APOD: variants seen among roughly 807,000 people sequenced by gnomAD.
APOD encodes the protein apolipoprotein D.
In APOD, 22 loss-of-function variants were observed where a neutral mutation model predicts 20.4. The observed-to-expected ratio is 1.08, with a 90% CI of 0.77 to 1.54. The LOEUF (loss-of-function observed/expected upper bound fraction) is 1.54. APOD is among the 40% of genes most tolerant of loss of function. APOD has a pLI of 0.00. For synonymous variants in APOD, 97 were observed against 92.4 expected, an observed-to-expected ratio of 1.05 and a Z score of -0.29; for missense variants, 223 against 229.6, an observed-to-expected ratio of 0.97 and a Z score of 0.19.
chr3:195,569,049 A>G lies in APOD; in HGVS notation c.421T>C (p.Phe141Leu), dbSNP rs1026020899. 1.2e-6 allele frequency: 2 copies of G among 1,614,122 alleles called. No homozygotes were observed. Among genetic ancestry groups the G allele is most frequent in the Non-Finnish European group, 1.7e-6 (2 of 1,180,018 alleles). Reference protein sequence around the residue: ...VYSCTCIIQLFHVDFAWILAR... With the variant: ...VYSCTCIIQLLHVDFAWILAR... ...AAGATCCAAGCAAAATCCACGTGAA[A>G]AAGTTGGATGATGCAGGTACAGGAA... is the stretch of plus-strand genomic sequence containing the variant. Residue 141 changes from phenylalanine to leucine, a missense_variant, in exon 5 of 5, where the codon TTT becomes CTT. Coordinates refer to ENST00000343267, the MANE Select transcript of APOD (RefSeq NM_001647.4).
At chr3:195,572,290 A>G (rs1053740502) in intron 3 of APOD, among the ~76,000 whole-genome samples, 4 of 152,182 alleles carry the variant, frequency 2.6e-5, no homozygotes, top group African/African-American at 9.7e-5. Flanking sequence ...GGGGATTTCA[A>G]TGTAGGCCAA....
At position 195,579,482 on chromosome 3, in the gene APOD, GA is replaced by G. The variant is rs1720299558; in HGVS notation, c.-22del. ...ACCATCTTGGGGCTGGGTGGCTGGAGAAGGGACCTGGAGCTGCGGGAACGCA... is the reference window on the plus strand; with the variant it reads ...ACCATCTTGGGGCTGGGTGGCTGGAGAGGGACCTGGAGCTGCGGGAACGCA... On this transcript the variant is annotated 5_prime_UTR_variant, in exon 2 of 5. Coordinates refer to ENST00000343267, the MANE Select transcript of APOD (RefSeq NM_001647.4). 1.2e-6 allele frequency: 2 copies of G among 1,610,170 alleles called. No homozygotes were observed. Among genetic ancestry groups the G allele is most frequent in the Admixed American group, 1.7e-5 (1 of 60,016 alleles).
At chr3:195,578,205 A>T (rs181747436) in intron 2 of APOD, among the ~76,000 whole-genome samples, 1 of 152,198 alleles carries the variant, frequency 6.6e-6, no homozygotes, top group African/African-American at 2.4e-5. Context: ...GATTCCTTGG[A>T]TGTTTTCTTT....
At chr3:195,578,207 G>T (rs34235807) in intron 2 of APOD, among the ~76,000 whole-genome samples, 26,265 of 152,018 alleles carry the variant, frequency 0.17, 2,857 homozygotes, top group Non-Finnish European at 0.26. Flanking sequence ...TTCCTTGGAT[G>T]TTTTCTTTAA....
intron 1 of APOD, among the ~76,000 whole-genome samples, chr3:195,580,368 C>CTTTTT (rs201305902): frequency 0.02 from 2,781 of 140,558 alleles, 66 homozygotes; most frequent in African/African-American, 0.043. Flanking sequence ...TTTCTTTCTT[C>CTTTTT]TTTTTTTTTT....
At chr3:195,574,182 G>T (rs185032837) in intron 2 of APOD, among the ~76,000 whole-genome samples, 316 of 152,216 alleles carry the variant, frequency 2.1e-3, no homozygotes, top group Non-Finnish European at 3.9e-3. Context: ...CTGAGTAAAG[G>T]GCTCTTCTCA....
chr3:195,572,840 G>A (rs1976843), intron 3 of APOD, among the ~76,000 whole-genome samples: 16,687 of 151,704 alleles, frequency 0.11, 1,961 homozygotes, highest in African/African-American at 0.29. Flanking sequence ...GTGAAACCCC[G>A]TCTCTACTAA....
chr3:195,578,068 T>C (rs189482101), intron 2 of APOD, among the ~76,000 whole-genome samples: 1 of 152,346 alleles, frequency 6.6e-6, no homozygotes, highest in Non-Finnish European at 1.5e-5. Flanking sequence ...GCTATACAAA[T>C]TATATCTCAA....
chr3:195,577,515 A>C (rs1720267200), intron 2 of APOD, among the ~76,000 whole-genome samples: 3 of 152,248 alleles, frequency 2.0e-5, no homozygotes. Flanking sequence ...AGGGACACGG[A>C]ATAACCAGAA....
At position 195,577,476 on chromosome 3, in the gene APOD, G is replaced by A. The variant is rs535172101; in HGVS notation, c.123+1863C>T. The stretch of plus-strand genomic sequence containing the variant: ...TTGGATTATTTGCAGAAATTGACAC[G>A]CTGATCCTAAAATTCATATAAAAAT... On this transcript the variant is annotated intron_variant, in intron 2 of 4. Coordinates refer to ENST00000343267, the MANE Select transcript of APOD (RefSeq NM_001647.4). Among the ~76,000 whole-genome samples, 13 of 152,216 alleles carry A rather than the reference G, an allele frequency of 8.5e-5. No individual in the cohort carries two copies. In the East Asian group the frequency reaches 2.1e-3, roughly 25 times the overall value.
At chr3:195,574,075 C>T in intron 2 of APOD, 104 bp from the exon 3 acceptor site, 1 of 1,470,666 alleles carries the variant, frequency 6.8e-7, no homozygotes, top group Middle Eastern at 1.8e-4. Flanking sequence ...GGAAGCCAGA[C>T]AAAATGGGCC....
rs762350501 is a variant in APOD, at chr3:195,571,341, G to A, written c.270C>T (p.Ile90=). The A allele has an allele frequency of 3.3e-5, 53 of 1,610,950 alleles. No individual in the cohort carries two copies. The Admixed American group carries it at 3.8e-4, about 12-fold the overall frequency. The change falls in exon 4 of 5, where the codon ATC becomes ATT. Residue 90 remains isoleucine (I), a synonymous_variant. Coordinates refer to ENST00000343267, the MANE Select transcript of APOD (RefSeq NM_001647.4). ...GGTTAACTGGGGTGGCTTCACCTTC[G>A]ATTTGATTCACAGTTCCATCAGCTC... ...ELRADGTVNQ[I]EGEATPVNLT... is the part of the protein sequence containing the mutation.
chr3:195,569,786 G>A (rs1360198792), intron 4 of APOD, among the ~76,000 whole-genome samples: 4 of 54,054 alleles, frequency 7.4e-5, no homozygotes, highest in African/African-American at 2.5e-4. Flanking sequence ...CTTCTTCTTC[G>A]TTTTTTTTTT....
rs1553889310 is a variant in APOD, at chr3:195,568,837, G to GGGGGGGGT, written c.*62_*63insACCCCCCC. The GGGGGGGGT allele has an allele frequency of 2.0e-6, 2 of 982,910 alleles. No homozygotes were observed. Among genetic ancestry groups the GGGGGGGGT allele is most frequent in the African/African-American group, 3.8e-5 (2 of 52,514 alleles). 60.9% of individuals were successfully genotyped at this position (982,910 alleles called of 1,614,324 possible). ...GTTGATTGGTTTGTCTTTATGGGGG[G>GGGGGGGGT]GGGGTAGGGGAAAGCGAAGCAGAAG... On this transcript the variant is annotated 3_prime_UTR_variant, in exon 5 of 5. Transcript: ENST00000343267.
chr3:195,582,869 G>A, intron 1 of APOD: 1 of 152,048 alleles, frequency 6.6e-6, no homozygotes, highest in Non-Finnish European at 1.5e-5. Context: ...GGAGGCGGAG[G>A]CTGTAGTGAG....
At chr3:195,576,907 A>G (rs1177855146) in intron 2 of APOD, among the ~76,000 whole-genome samples, 5 of 152,100 alleles carry the variant, frequency 3.3e-5, no homozygotes, top group African/African-American at 1.2e-4. Context: ...AAGGCCGGGC[A>G]CGGTGGCTTG....
chr3:195,573,876 C>A lies in APOD; in HGVS notation c.219G>T (p.Lys73Asn). Residue 73 changes from lysine (K) to asparagine (N), a missense_variant, in exon 3 of 5, where the codon AAG becomes AAT. Lys to Asn is a moderately conservative substitution (Grantham distance 94). Coordinates refer to ENST00000343267, the MANE Select transcript of APOD (RefSeq NM_001647.4). ...TCAACTCCTGGTTTAACACTTTGAT[C>A]TTTCCGTTTTCCATTAGTGAGTAGT... ...QANYSLMENG[K>N]IKVLNQELRA... The A allele has an allele frequency of 6.2e-7, 1 of 1,614,190 alleles. No homozygotes were observed. The highest frequency in any genetic ancestry group is 1.7e-4 in the Middle Eastern group (1 of 6,060).
intron 4 of APOD, among the ~76,000 whole-genome samples, chr3:195,570,117 A>G (rs556603362): frequency 1.3e-5 from 2 of 152,080 alleles, no homozygotes; most frequent in East Asian, 1.9e-4. Context: ...CCATAATCCT[A>G]CAAGGCCTAA....
Position 195,568,730 on chromosome 3 carries a change from G to T in APOD, c.*170C>A. 1.6e-6 allele frequency: 1 copy of T among 615,024 alleles called. No individual in the cohort carries two copies. The highest frequency in any genetic ancestry group is 2.8e-5 in the East Asian group (1 of 36,078). 38.1% of individuals were successfully genotyped at this position (615,024 alleles called of 1,614,324 possible). On this transcript the variant is annotated 3_prime_UTR_variant, in exon 5 of 5. Coordinates refer to ENST00000343267, the MANE Select transcript of APOD (RefSeq NM_001647.4). ...TTGGAATCTACTGCGAGCACAGCAGGTCAGCAACAAGTTTATTTTGCAGCT... is the reference window on the plus strand; with the variant it reads ...TTGGAATCTACTGCGAGCACAGCAGTTCAGCAACAAGTTTATTTTGCAGCT...
Sources: allele counts gnomAD v4.1 joint callset (sites outside exome capture counted in the v4.1 genomes callset), GRCh38; gene constraint gnomAD v4.1.1; transcripts MANE v1.5; gene names NCBI Gene and HGNC (gene_info 2026-07-23, HGNC 2026-07-21).